The following HYDIN variants were observed in gnomAD, a reference collection of about 807,000 sequenced individuals.
HYDIN encodes HYDIN axonemal central pair apparatus protein.
A neutral mutation model predicts 403.9 loss-of-function variants in HYDIN; 132 were observed. The observed-to-expected ratio is 0.33, with a 90% CI of 0.28 to 0.38. The LOEUF (loss-of-function observed/expected upper bound fraction) is 0.38. HYDIN is among the 10% of genes least tolerant of loss of function. The probability of loss-of-function intolerance (pLI) is 1.00; values close to 1 mark genes in which losing one functional copy is unlikely to be tolerated. For missense variants in HYDIN, 2,827 were observed against 5,009.5 expected, an observed-to-expected ratio of 0.56 and a Z score of 13.15; for synonymous variants, 1,202 against 1,891.7, an observed-to-expected ratio of 0.64 and a Z score of 9.46.
At chr16:70,900,457 A>T (rs2076336930) in intron 53 of HYDIN, among the ~76,000 whole-genome samples, 1 of 147,364 alleles carries the variant, frequency 6.8e-6, no homozygotes, top group Non-Finnish European at 1.5e-5. Context: ...AGCCAGGGTG[A>T]CAGAGCGAGA....
At chr16:70,992,306 C>T (rs1047430347) in intron 23 of HYDIN, 96 bp from the exon 24 acceptor site, 31 of 1,474,388 alleles carry the variant, frequency 2.1e-5, no homozygotes, top group Non-Finnish European at 2.4e-5. Context: ...GGCCAAACTC[C>T]AAATCCTAGA....
chr16:71,134,998 T>C (rs1408088681), intron 8 of HYDIN, among the ~76,000 whole-genome samples: 1 of 152,108 alleles, frequency 6.6e-6, no homozygotes, highest in African/African-American at 2.4e-5. Flanking sequence ...GATAAAACAA[T>C]AGTTTGGAGA....
At position 70,803,901 on chromosome 16, in the gene HYDIN, T is replaced by C. The variant is rs2034999000; in HGVS notation, c.*3679A>G. On this transcript the variant is annotated 3_prime_UTR_variant, in exon 86 of 86. Coordinates refer to ENST00000393567, the MANE Select transcript of HYDIN (RefSeq NM_001270974.2). The stretch of plus-strand genomic sequence containing the variant: ...CATTCCCATGGTATTCTGTGCACAG[T>C]GCTCCTTGGAGTTCTGCCACACAGC... Among the ~76,000 whole-genome samples, 1 of 152,138 alleles carries C rather than the reference T, an allele frequency of 6.6e-6. No homozygotes were observed. The highest frequency in any genetic ancestry group is 6.5e-5 in the Admixed American group (1 of 15,278).
chr16:71,042,024 A>C (rs1429207932), intron 18 of HYDIN, among the ~76,000 whole-genome samples: 1 of 151,322 alleles, frequency 6.6e-6, no homozygotes, highest in Non-Finnish European at 1.5e-5. Flanking sequence ...GTCACTAGTT[A>C]CCATCCCCAG....
rs943549441 is a variant in HYDIN at position 70,802,868 on chromosome 16, C to T, written c.*4712G>A. 3.9e-5 allele frequency: 6 copies of T among 152,164 alleles called. No individual in the cohort carries two copies. Among genetic ancestry groups the T allele is most frequent in the Admixed American group, 2.6e-4 (4 of 15,278 alleles). The allele number at this position is 152,164 out of a possible 1,614,324, so 9.4% of individuals were successfully genotyped here. A position where few individuals can be genotyped will look rare whatever the true frequency, so the allele number is the denominator to read the frequency against. Reference sequence around the variant, plus strand: ...TGTTAAAACCTTTGCTGACACAATCCTATGAATGAAGGTAGGTGCGCTAAC... The same window carrying T: ...TGTTAAAACCTTTGCTGACACAATCTTATGAATGAAGGTAGGTGCGCTAAC... On this transcript the variant is annotated 3_prime_UTR_variant, in exon 86 of 86. Coordinates refer to ENST00000393567, the MANE Select transcript of HYDIN (RefSeq NM_001270974.2).
intron 1 of HYDIN, among the ~76,000 whole-genome samples, chr16:71,227,147 A>ATGTGTG (rs1032698797): frequency 5.3e-5 from 8 of 149,898 alleles, no homozygotes; most frequent in African/African-American, 2.0e-4. Context: ...ATATATGTGT[A>ATGTGTG]TGTGTGTGTG....
Position 70,939,052 on chromosome 16 carries a change from T to C in HYDIN, c.6854-297A>G, listed in dbSNP as rs888097612. On this transcript the variant is annotated intron_variant, in intron 43 of 85. Coordinates refer to ENST00000393567, the MANE Select transcript of HYDIN (RefSeq NM_001270974.2). ...CAGATGTGATTAAATTTAAGGATCTTGAGGTGGGCAGATTATTTTGGGGGG... is the reference window on the plus strand; with the variant it reads ...CAGATGTGATTAAATTTAAGGATCTCGAGGTGGGCAGATTATTTTGGGGGG... Among the ~76,000 whole-genome samples, 23 of 152,244 alleles carry C rather than the reference T, an allele frequency of 1.5e-4. 1 individual carries two copies. Among genetic ancestry groups the C allele is most frequent in the East Asian group, 1.4e-3 (7 of 5,168 alleles).
At chr16:70,816,187 C>A (rs1445357495) in intron 84 of HYDIN, among the ~76,000 whole-genome samples, 1 of 152,098 alleles carries the variant, frequency 6.6e-6, no homozygotes, top group Admixed American at 6.5e-5. Context: ...AAAAACCACC[C>A]CACAAAACCA....
At chr16:71,050,118 G>A (rs541180891) in intron 18 of HYDIN, among the ~76,000 whole-genome samples, 174 of 145,348 alleles carry the variant, frequency 1.2e-3, no homozygotes, top group Non-Finnish European at 1.9e-3. Flanking sequence ...AAGAGATAAT[G>A]GCTGAGACAT....
At chr16:70,969,717 A>G (rs1230538425) in intron 36 of HYDIN, among the ~76,000 whole-genome samples, 1 of 152,214 alleles carries the variant, frequency 6.6e-6, no homozygotes, top group African/African-American at 2.4e-5. Context: ...AAAAAGAGAG[A>G]CAAATATAAT....
chr16:71,042,360 G>A (rs1213400505), intron 18 of HYDIN, among the ~76,000 whole-genome samples: 1 of 151,732 alleles, frequency 6.6e-6, no homozygotes, highest in African/African-American at 2.4e-5. Flanking sequence ...ATATTGCTAA[G>A]TACTCTACTG....
chr16:70,811,944 T>TA (rs1347056691), intron 84 of HYDIN, among the ~76,000 whole-genome samples: 1 of 102,366 alleles, frequency 9.8e-6, no homozygotes, highest in Non-Finnish European at 1.9e-5. Context: ...TAATCAATAG[T>TA]AAAAAAAATC....
In HYDIN at chr16:71,062,329, C is replaced by T; in HGVS notation, c.2216G>A (p.Cys739Tyr). ...PGFYEVQPQV[C>Y]EEVPTVLFSS... The stretch of plus-strand genomic sequence containing the variant: ...AAACAGCACAGTAGGCACCTCCTCA[C>T]ACACCTGGGGGAGAGAAAACCAGAG... Residue 739 changes from cysteine (C) to tyrosine (Y), a missense_variant, in exon 17 of 86, where the codon TGT (cysteine) becomes TAT (tyrosine). Physicochemically the swap from Cys to Tyr is radical, Grantham distance 194 (BLOSUM62 -2). Coordinates refer to ENST00000393567, the MANE Select transcript of HYDIN (RefSeq NM_001270974.2). The T allele has an allele frequency of 6.3e-6, 10 of 1,596,882 alleles. No homozygotes were observed. In the Middle Eastern group the frequency reaches 8.3e-4, roughly 132 times the overall value.
At chr16:70,901,442 T>C (rs1032846167) in intron 52 of HYDIN, among the ~76,000 whole-genome samples, 43 of 151,308 alleles carry the variant, frequency 2.8e-4, no homozygotes, top group African/African-American at 9.7e-4. Context: ...CATCCTCAAG[T>C]GTCTGTTGCT....
At position 70,868,800 on chromosome 16, in the gene HYDIN, C is replaced by G. The variant is rs1200255812; in HGVS notation, c.11092-12G>C. On this transcript the variant is annotated splice_polypyrimidine_tract_variant and intron_variant, in intron 65 of 85. Coordinates refer to ENST00000393567, the MANE Select transcript of HYDIN (RefSeq NM_001270974.2). ...TGGAGGTGGCCCATCTAGGAAAGAG[C>G]CTGGTATTAGTATTTTTGAGAATCC... is the stretch of plus-strand genomic sequence containing the variant. The G allele has an allele frequency of 6.2e-7, 1 of 1,609,798 alleles. No individual in the cohort carries two copies.
intron 18 of HYDIN, among the ~76,000 whole-genome samples, chr16:71,040,559 G>T: frequency 9.5e-6 from 1 of 105,412 alleles, no homozygotes; most frequent in Admixed American, 1.3e-4. Flanking sequence ...TTTTCTGTTT[G>T]ATCCATACGT....
At chr16:71,022,183 G>A (rs1228031874) in intron 21 of HYDIN, among the ~76,000 whole-genome samples, 3 of 152,006 alleles carry the variant, frequency 2.0e-5, no homozygotes, top group African/African-American at 7.3e-5. Context: ...ACTGCAGATG[G>A]CTTTGAAGTA....
intron 69 of HYDIN, among the ~76,000 whole-genome samples, chr16:70,861,810 G>C (rs1248899578): frequency 1.5e-5 from 1 of 67,538 alleles, no homozygotes; most frequent in Non-Finnish European, 3.0e-5. Context: ...GCTGGGAAGG[G>C]GAAAGTAAGC....
chr16:71,212,645 C>T (rs1227730468), intron 1 of HYDIN, among the ~76,000 whole-genome samples: 1 of 151,880 alleles, frequency 6.6e-6, no homozygotes, highest in Non-Finnish European at 1.5e-5. Context: ...AAGGATTATG[C>T]AGGACAGTAC....
Sources: gnomAD v4.1 joint callset for allele counts (sites outside exome capture counted in the v4.1 genomes callset) on GRCh38, gnomAD v4.1.1 for gene constraint, MANE v1.5 for transcripts, NCBI Gene and HGNC (gene_info 2026-07-23, HGNC 2026-07-21) for gene names.